Variants in MCM3AP observed in about 807,000 individuals in gnomAD.
The protein encoded by MCM3AP is germinal-center associated nuclear protein.
Under a neutral mutation model 184.1 loss-of-function variants are expected in MCM3AP, and 126 were observed. The ratio of observed to expected loss-of-function variants is 0.68; its 90% CI spans 0.59 to 0.79. The LOEUF (loss-of-function observed/expected upper bound fraction) is 0.79. Ranked by LOEUF, MCM3AP falls within the 30% of genes least tolerant of loss-of-function variation. MCM3AP has a pLI of 0.00. For synonymous variants in MCM3AP, 1,002 were observed against 979.3 expected (o/e 1.02, Z -0.43); for missense variants, 2,496 against 2,479.2 (o/e 1.01, Z -0.14).
At chr21:46,268,925 T>TG (rs1460252009) in intron 9 of MCM3AP, among the ~76,000 whole-genome samples, 1 of 151,806 alleles carries the variant, frequency 6.6e-6, no homozygotes, top group African/African-American at 2.4e-5. Context: ...TCCCAGCTAC[T>TG]GGGGAGGGAG....
At chr21:46,253,806 C>T (rs1006421007) in intron 19 of MCM3AP, 2 of 155,818 alleles carry the variant, frequency 1.3e-5, no homozygotes, top group Non-Finnish European at 2.8e-5. Flanking sequence ...TGGAAACTCC[C>T]CCTTGCTGTT....
At chr21:46,242,758 TAC>T (rs778486706) in intron 25 of MCM3AP, 42 bp downstream of exon 25, 2 of 1,564,078 alleles carry the variant, frequency 1.3e-6, no homozygotes, top group Non-Finnish European at 1.7e-6. Flanking sequence ...GCAAGAAAAA[TAC>T]AGTTTAGCAA....
rs2081198536 is a variant in MCM3AP at position 46,272,797 on chromosome 21, CAG to C, written c.2227_2228del (p.Leu743AspfsTer6). 5 of 1,606,724 alleles carry C rather than the reference CAG, an allele frequency of 3.1e-6. No homozygotes were observed. The highest frequency in any genetic ancestry group is 1.3e-5 in the African/African-American group (1 of 74,808). ...TGCACTTCTCAATCAGGGACACCGTCAGGGGGTCACAGAGGTGCTGCTGCGTG... is the reference window on the plus strand; with the variant it reads ...TGCACTTCTCAATCAGGGACACCGTCGGGGTCACAGAGGTGCTGCTGCGTG... ...DITQQHLCDP[L>X]TVSLIEKCTR... On this transcript the variant is annotated frameshift_variant, in exon 8 of 28. Coordinates refer to ENST00000291688, the MANE Select transcript of MCM3AP (RefSeq NM_003906.5). LOFTEE classifies it high-confidence loss of function.
intron 13 of MCM3AP, 73 bp downstream of exon 13, chr21:46,264,044 G>C (rs17176492): frequency 0.018 from 18,612 of 1,033,770 alleles, 192 homozygotes; most frequent in Non-Finnish European, 0.021. Flanking sequence ...AACTTTATGA[G>C]AGGAAACTTC....
chr21:46,275,989 C>T (rs1004601354), intron 5 of MCM3AP, among the ~76,000 whole-genome samples: 7 of 152,174 alleles, frequency 4.6e-5, no homozygotes, highest in African/African-American at 7.2e-5. Context: ...TGGTGGCTCA[C>T]GCCTGTAATC....
chr21:46,254,300 T>A, intron 19 of MCM3AP, 92 bp downstream of exon 19: 1 of 1,389,810 alleles, frequency 7.2e-7, no homozygotes, highest in Non-Finnish European at 1.0e-6. Flanking sequence ...CGAGTTCCCA[T>A]CACACATAAG....
chr21:46,240,875 CA>C lies in MCM3AP; in HGVS notation c.5568del (p.Ala1857LeufsTer41), dbSNP rs755908574. 2 of 1,614,248 alleles carry C rather than the reference CA, an allele frequency of 1.2e-6. No individual in the cohort carries two copies. The highest frequency in any genetic ancestry group is 8.5e-7 in the Non-Finnish European group (1 of 1,180,036). On this transcript the variant is annotated frameshift_variant, in exon 26 of 28. Coordinates refer to ENST00000291688, the MANE Select transcript of MCM3AP (RefSeq NM_003906.5). LOFTEE classifies it high-confidence loss of function. Reference sequence around the variant, plus strand: ...AAACACTGCGCCAAGAGCTCCTCAGCAGAAGCTCCTCGCATCAGATCCTCTG... The same window carrying C: ...AAACACTGCGCCAAGAGCTCCTCAGCGAAGCTCCTCGCATCAGATCCTCTG... Reference protein sequence around the residue: ...PSTEDLMRGASAEELLAQCLS... With the variant: ...PSTEDLMRGAXAEELLAQCLS...
At chr21:46,258,831 T>C in intron 16 of MCM3AP, 108 bp downstream of exon 16, 1 of 1,221,118 alleles carries the variant, frequency 8.2e-7, no homozygotes, top group Non-Finnish European at 1.2e-6. Flanking sequence ...ACATTTTCCC[T>C]CATCCTTTTA....
At chr21:46,257,581 G>A (rs2080975913) in intron 16 of MCM3AP, among the ~76,000 whole-genome samples, 1 of 151,004 alleles carries the variant, frequency 6.6e-6, no homozygotes, top group Admixed American at 6.6e-5. Flanking sequence ...CGGGTGAGAT[G>A]TCTGTCTGTA....
At chr21:46,281,599 A>G (rs1479636851) in intron 2 of MCM3AP, among the ~76,000 whole-genome samples, 1 of 152,150 alleles carries the variant, frequency 6.6e-6, no homozygotes, top group Admixed American at 6.5e-5. Context: ...AGGTGGGAGG[A>G]TCACTTGTGC....
chr21:46,263,353 CAAAA>C (rs1208922394), intron 13 of MCM3AP, among the ~76,000 whole-genome samples: 1 of 151,394 alleles, frequency 6.6e-6, no homozygotes, highest in African/African-American at 2.4e-5. Flanking sequence ...AACAAACAAA[CAAAA>C]AAACAATTTA....
Position 46,235,391 on chromosome 21 carries a change from C to T in MCM3AP, c.5820G>A (p.Glu1940=), listed in dbSNP as rs1351881414. 23 of 1,613,972 alleles carry T rather than the reference C, an allele frequency of 1.4e-5. No homozygotes were observed. Among genetic ancestry groups the T allele is most frequent in the Middle Eastern group, 3.3e-4 (2 of 6,084 alleles). The change falls in exon 28 of 28, where the codon GAG becomes GAA. Residue 1940 remains glutamate, a synonymous_variant. Transcript: ENST00000291688. ...DMMREQLQLS[E]ATGTCLGERL... ...GTTCGCCTAGACACGTTCCTGTCGC[C>T]TCTGACAGCTGCAGTTGCTCCCTCA... is the stretch of plus-strand genomic sequence containing the variant.
At position 46,283,730 on chromosome 21, in the gene MCM3AP, GGGATGTTCTT is replaced by G. The variant is rs1166602348; in HGVS notation, c.1318_1327del (p.Lys440LeufsTer65). ...AATGGTCCTGTCGTTGAGGTAGTCA[GGGATGTTCTT>G]GCACTGGATGGCTGTGACTTCAGAG... On this transcript the variant is annotated frameshift_variant, in exon 2 of 28. Transcript: ENST00000291688. LOFTEE classifies it high-confidence loss of function. 1 of 1,613,866 alleles carries G rather than the reference GGGATGTTCTT, an allele frequency of 6.2e-7. No individual in the cohort carries two copies. Among genetic ancestry groups the G allele is most frequent in the Non-Finnish European group, 8.5e-7 (1 of 1,179,850 alleles).
intron 25 of MCM3AP, chr21:46,242,092 T>C (rs920985880): frequency 6.6e-6 from 1 of 152,448 alleles, no homozygotes; most frequent in Non-Finnish European, 1.5e-5. Context: ...GACTTGACTT[T>C]TCTTGGACTG....
chr21:46,249,524 T>G (rs544705441), intron 20 of MCM3AP: 48 of 442,190 alleles, frequency 1.1e-4, no homozygotes, highest in African/African-American at 9.6e-4. Flanking sequence ...TTTACAAACG[T>G]AGCTAAACTA....
rs201807526 is a variant in MCM3AP at position 46,244,733 on chromosome 21, G to A, written c.5038+74C>T. The A allele has an allele frequency of 1.8e-5, 27 of 1,490,812 alleles. No individual in the cohort carries two copies. The Admixed American group carries it at 1.8e-4, about 10-fold the overall frequency. 92.3% of individuals were successfully genotyped at this position (1,490,812 alleles called of 1,614,324 possible). ...CACTGGTGCCCAACACCTGCCAGACGGTTACTACAGTGAGAAGGAAGCCTG... is the reference window on the plus strand; with the variant it reads ...CACTGGTGCCCAACACCTGCCAGACAGTTACTACAGTGAGAAGGAAGCCTG... On this transcript the variant is annotated intron_variant, in intron 23 of 27. Transcript: ENST00000291688.
Position 46,285,287 on chromosome 21 carries a change from C to T in MCM3AP, c.-1G>A, listed in dbSNP as rs371220577. On this transcript the variant is annotated 5_prime_UTR_variant, in exon 1 of 28. Transcript: ENST00000291688. ...CACTGAAAGGATTAGTTGGGTTCAT[C>T]TTCTGCTCCAATTATTAGAAGGTAA... 4 of 1,598,998 alleles carry T rather than the reference C, an allele frequency of 2.5e-6. No individual in the cohort carries two copies. Among genetic ancestry groups the T allele is most frequent in the South Asian group, 2.2e-5 (2 of 90,410 alleles).
intron 17 of MCM3AP, among the ~76,000 whole-genome samples, chr21:46,255,132 G>C (rs141633657): frequency 6.6e-6 from 1 of 152,340 alleles, no homozygotes; most frequent in Non-Finnish European, 1.5e-5. Flanking sequence ...TGTCGGCACT[G>C]TGGGCAAATG....
Position 46,256,931 on chromosome 21 carries a change from G to A in MCM3AP, c.3790C>T (p.Pro1264Ser). Residue 1264 changes from proline (P) to serine (S), a missense_variant, in exon 17 of 28, where the codon CCT (proline) becomes TCT (serine). By Grantham distance (74) the Pro-to-Ser change is moderately conservative. Transcript: ENST00000291688. ...KKLRRQMRAFPAAPCCVDVSD... is the reference protein window; with the variant it reads ...KKLRRQMRAFSAAPCCVDVSD... Reference sequence around the variant, plus strand: ...ACGTCCACGCAGCAGGGCGCAGCAGGGAAAGCCCGCATTTGGCGCCTCAGT... The same window carrying A: ...ACGTCCACGCAGCAGGGCGCAGCAGAGAAAGCCCGCATTTGGCGCCTCAGT... The A allele has an allele frequency of 6.2e-7, 1 of 1,612,188 alleles. No homozygotes were observed. Among genetic ancestry groups the A allele is most frequent in the Non-Finnish European group, 8.5e-7 (1 of 1,179,274 alleles).
Sources: allele counts gnomAD v4.1 joint callset (sites outside exome capture counted in the v4.1 genomes callset), GRCh38; gene constraint gnomAD v4.1.1; transcripts MANE v1.5; gene names NCBI Gene and HGNC (gene_info 2026-07-23, HGNC 2026-07-21).